The following SEC23B variants were observed in gnomAD, a reference collection of about 807,000 sequenced individuals.
SEC23B encodes SEC23 homolog B, COPII component.
SEC23B carries 77 observed loss-of-function variants against 104.3 expected under a neutral mutation model. That is an observed-to-expected ratio of 0.74 (90% CI 0.61 to 0.89). The LOEUF (loss-of-function observed/expected upper bound fraction) is 0.89, where lower values mean the gene tolerates loss of function less well. Among genes scored for constraint, SEC23B ranks in the 40% least tolerant of loss-of-function variants. SEC23B has a pLI of 0.00. For missense variants in SEC23B, 885 were observed against 949.4 expected (o/e 0.93, Z 0.89); for synonymous variants, 338 against 332.5 (o/e 1.02, Z -0.18).
chr20:18,537,273 A>G (rs997377733), intron 12 of SEC23B, among the ~76,000 whole-genome samples: 3 of 151,988 alleles, frequency 2.0e-5, no homozygotes, highest in African/African-American at 7.3e-5. Context: ...TCATGCTGCT[A>G]TAAAGACACA....
At chr20:18,529,873 G>C (rs935748510) in intron 9 of SEC23B, among the ~76,000 whole-genome samples, 2 of 152,222 alleles carry the variant, frequency 1.3e-5, no homozygotes, top group African/African-American at 2.4e-5. Flanking sequence ...TGTTCTTCAA[G>C]ATTCTGAGAT....
chr20:18,520,230 T>G (rs1370322861), intron 4 of SEC23B, among the ~76,000 whole-genome samples: 4 of 129,356 alleles, frequency 3.1e-5, no homozygotes, highest in Admixed American at 1.5e-4. Context: ...GTCCAGTTTT[T>G]GGACAAGTAA....
At chr20:18,557,175 C>T (rs1388396014) in intron 19 of SEC23B, among the ~76,000 whole-genome samples, 2 of 152,010 alleles carry the variant, frequency 1.3e-5, no homozygotes, top group South Asian at 2.1e-4. Context: ...CTTTTTTCAT[C>T]TTACGTACTT....
At chr20:18,521,633 A>G (rs1053212620) in intron 4 of SEC23B, among the ~76,000 whole-genome samples, 5 of 152,126 alleles carry the variant, frequency 3.3e-5, no homozygotes, top group Admixed American at 3.3e-4. Flanking sequence ...TAGAAAGATT[A>G]TAGGGTGGGG....
intron 12 of SEC23B, among the ~76,000 whole-genome samples, chr20:18,536,311 T>C (rs1450192425): frequency 2.0e-5 from 3 of 152,236 alleles, no homozygotes; most frequent in African/African-American, 7.2e-5. Flanking sequence ...ATTATGTCTT[T>C]GAAAACATTG....
chr20:18,538,462 C>T (rs1291333080), intron 12 of SEC23B, among the ~76,000 whole-genome samples: 4 of 151,870 alleles, frequency 2.6e-5, no homozygotes, highest in Non-Finnish European at 5.9e-5. Context: ...ACCCTGTTAG[C>T]CAGGATGGTC....
At position 18,526,417 on chromosome 20, in the gene SEC23B, A is replaced by T; in HGVS notation, c.879A>T (p.Gly293=). Residue 293 remains glycine, a synonymous_variant, in exon 8 of 20, where the codon GGA becomes GGT. Transcript: ENST00000650089. ...NTGARIMLFT[G]GPPTQGPGMV... is the part of the protein sequence containing the mutation. ...GAGCCAGGATCATGCTGTTTACTGG[A>T]GGTCCCCCTACCCAAGGGCCTGGCA... 1 of 1,614,206 alleles carries T rather than the reference A, an allele frequency of 6.2e-7. No individual in the cohort carries two copies. Among genetic ancestry groups the T allele is most frequent in the Non-Finnish European group, 8.5e-7 (1 of 1,180,032 alleles).
chr20:18,556,485 G>A (rs1568626712), intron 19 of SEC23B, among the ~76,000 whole-genome samples: 3 of 152,118 alleles, frequency 2.0e-5, no homozygotes, highest in African/African-American at 7.2e-5. Context: ...ACTCTTAGGA[G>A]TTTTTTTGTA....
chr20:18,517,711 A>G (rs2060042372), intron 4 of SEC23B, among the ~76,000 whole-genome samples: 1 of 152,188 alleles, frequency 6.6e-6, no homozygotes, highest in African/African-American at 2.4e-5. Context: ...AGTGGGAGAG[A>G]TTCAACTGAA....
At chr20:18,514,282 C>G (rs1040633208) in intron 3 of SEC23B, among the ~76,000 whole-genome samples, 1 of 152,104 alleles carries the variant, frequency 6.6e-6, no homozygotes, top group Non-Finnish European at 1.5e-5. Context: ...TGGCTGACTG[C>G]GTGGGTGAAC....
At chr20:18,521,644 G>A (rs2060085029) in intron 4 of SEC23B, among the ~76,000 whole-genome samples, 1 of 152,146 alleles carries the variant, frequency 6.6e-6, no homozygotes, top group Admixed American at 6.5e-5. Context: ...TAGGGTGGGG[G>A]AGCAGAGGCT....
At chr20:18,535,337 G>A (rs1340551324) in intron 11 of SEC23B, among the ~76,000 whole-genome samples, 2 of 151,768 alleles carry the variant, frequency 1.3e-5, no homozygotes, top group Non-Finnish European at 2.9e-5. Flanking sequence ...ATTGTGTCAC[G>A]GCACTCCAGC....
chr20:18,546,377 T>G (rs1447498696), intron 15 of SEC23B, among the ~76,000 whole-genome samples: 1 of 152,102 alleles, frequency 6.6e-6, no homozygotes, highest in Non-Finnish European at 1.5e-5. Flanking sequence ...CACATGGAGA[T>G]GAAGATAACA....
intron 17 of SEC23B, 142 bp from the exon 18 acceptor site, chr20:18,554,093 C>A: frequency 2.1e-6 from 2 of 969,674 alleles, no homozygotes; most frequent in Admixed American, 2.0e-5. Flanking sequence ...CTCTGCTTTG[C>A]TCTCCCTCTG....
chr20:18,524,109 C>G (rs2060111125), intron 4 of SEC23B, among the ~76,000 whole-genome samples: 1 of 152,174 alleles, frequency 6.6e-6, no homozygotes, highest in Non-Finnish European at 1.5e-5. Context: ...CTTAACCTCT[C>G]CATTCCAGAA....
intron 4 of SEC23B, among the ~76,000 whole-genome samples, chr20:18,518,122 CTGTT>C (rs767702094): frequency 2.6e-4 from 40 of 152,284 alleles, no homozygotes; most frequent in South Asian, 6.2e-4. Context: ...GCCTGAAAAA[CTGTT>C]TGGGTGATTT....
At chr20:18,527,464 G>A (rs770807409) in intron 8 of SEC23B, 32 bp from the exon 9 acceptor site, 2 of 1,242,398 alleles carry the variant, frequency 1.6e-6, no homozygotes, top group Non-Finnish European at 2.4e-6. Context: ...TAATGTCACT[G>A]TTTCCTAAAG....
intron 15 of SEC23B, among the ~76,000 whole-genome samples, chr20:18,547,602 C>G (rs1158684201): frequency 6.6e-6 from 1 of 152,112 alleles, no homozygotes; most frequent in Non-Finnish European, 1.5e-5. Flanking sequence ...CAGCTTGTGT[C>G]CTGAGCTGTC....
chr20:18,529,299 ATAT>A (rs1168156530), intron 9 of SEC23B, among the ~76,000 whole-genome samples: 3 of 152,242 alleles, frequency 2.0e-5, no homozygotes, highest in African/African-American at 7.2e-5. Context: ...ATTTCACTCA[ATAT>A]CAAGAAGGGC....
Sources: allele counts gnomAD v4.1 joint callset (sites outside exome capture counted in the v4.1 genomes callset), GRCh38; gene constraint gnomAD v4.1.1; transcripts MANE v1.5; gene names NCBI Gene and HGNC (gene_info 2026-07-23, HGNC 2026-07-21).